NDST4: variants seen among roughly 807,000 people sequenced by gnomAD.
NDST4 encodes the protein N-heparan sulfate sulfotransferase 4.
Under a neutral mutation model 100.8 loss-of-function variants are expected in NDST4, and 63 were observed. The observed-to-expected ratio is 0.62, with a 90% confidence interval of 0.51 to 0.77. The LOEUF (loss-of-function observed/expected upper bound fraction) is 0.77, where lower values mean the gene tolerates loss of function less well. NDST4 is among the 30% of genes least tolerant of loss of function. The pLI is 0.00. For missense variants in NDST4, 943 were observed against 1,018.4 expected (o/e 0.93, Z 1.01); for synonymous variants, 377 against 361.8 (o/e 1.04, Z -0.48).
At chr4:115,019,181 T>A (rs980672753) in intron 2 of NDST4, among the ~76,000 whole-genome samples, 2 of 152,120 alleles carry the variant, frequency 1.3e-5, no homozygotes, top group Non-Finnish European at 2.9e-5. Context: ...ATTGTAAACA[T>A]GTTATGGCAA....
intron 1 of NDST4, among the ~76,000 whole-genome samples, chr4:115,088,009 A>T (rs1729441873): frequency 6.6e-6 from 1 of 151,656 alleles, no homozygotes; most frequent in Non-Finnish European, 1.5e-5. Flanking sequence ...TTACACTTAG[A>T]TTATGATAGT....
At position 114,950,279 on chromosome 4, in the gene NDST4, G is replaced by A. The variant is rs114367521; in HGVS notation, c.1222-12776C>T. Among the ~76,000 whole-genome samples, 1,013 of 151,922 alleles carry A rather than the reference G, an allele frequency of 6.7e-3. 9 individuals carry two copies. The highest frequency in any genetic ancestry group is 0.01 in the Non-Finnish European group (694 of 67,908). On this transcript the variant is annotated intron_variant, in intron 4 of 13. Coordinates refer to ENST00000264363, the MANE Select transcript of NDST4 (RefSeq NM_022569.3). The stretch of plus-strand genomic sequence containing the variant: ...TCTTCAACATTTTATCCACTTTTCC[G>A]AGGTTCATTAAGGCAGGAATATTGG...
intron 6 of NDST4, among the ~76,000 whole-genome samples, chr4:114,888,133 G>A (rs1363068742): frequency 6.6e-6 from 1 of 152,046 alleles, no homozygotes; most frequent in Non-Finnish European, 1.5e-5. Flanking sequence ...GAACCTAGGG[G>A]CAGAGGTTGC....
rs115293168 is a variant in NDST4, at chr4:115,082,728, C to T, written c.-246-5446G>A. 3.7e-3 allele frequency among the ~76,000 whole-genome samples: 558 copies of T among 152,178 alleles called. 3 individuals carry two copies. The highest frequency in any genetic ancestry group is 0.013 in the African/African-American group (528 of 41,508). On this transcript the variant is annotated intron_variant, in intron 1 of 13. Transcript: ENST00000264363. Reference sequence around the variant, plus strand: ...AATTAAAATTTAGAAGGTTTAAGAACGGAACTAAGATTAAACTACTAATGA... The same window carrying T: ...AATTAAAATTTAGAAGGTTTAAGAATGGAACTAAGATTAAACTACTAATGA...
chr4:115,053,027 T>C (rs1728618697), intron 2 of NDST4, among the ~76,000 whole-genome samples: 1 of 152,164 alleles, frequency 6.6e-6, no homozygotes, highest in African/African-American at 2.4e-5. Flanking sequence ...AGGTACATGT[T>C]TAGAAGGAAA....
At chr4:114,849,824 T>A (rs1238202280) in intron 8 of NDST4, among the ~76,000 whole-genome samples, 1 of 151,920 alleles carries the variant, frequency 6.6e-6, no homozygotes, top group East Asian at 1.9e-4. Context: ...TAAATTAGAG[T>A]CTTAAAGTTT....
At chr4:114,834,929 T>A (rs938811861) in intron 11 of NDST4, among the ~76,000 whole-genome samples, 13 of 152,210 alleles carry the variant, frequency 8.5e-5, no homozygotes, top group African/African-American at 3.1e-4. Context: ...GATGACAGTT[T>A]GTATTTCTGT....
At chr4:115,049,530 A>G (rs1488228135) in intron 2 of NDST4, among the ~76,000 whole-genome samples, 1 of 152,166 alleles carries the variant, frequency 6.6e-6, no homozygotes, top group Admixed American at 6.6e-5. Flanking sequence ...TTCAGGTAAA[A>G]AAGTAATCAC....
chr4:114,967,267 T>C (rs192767994), intron 4 of NDST4, among the ~76,000 whole-genome samples: 1 of 152,146 alleles, frequency 6.6e-6, no homozygotes, highest in African/African-American at 2.4e-5. Context: ...CATTTCAGTA[T>C]GATATATGTT....
intron 6 of NDST4, among the ~76,000 whole-genome samples, chr4:114,884,873 A>T (rs1433011606): frequency 6.6e-6 from 1 of 152,158 alleles, no homozygotes; most frequent in Non-Finnish European, 1.5e-5. Context: ...TAAATTTTTG[A>T]TTAAAGTAAA....
At chr4:115,003,182 C>T (rs920201730) in intron 2 of NDST4, among the ~76,000 whole-genome samples, 19 of 152,032 alleles carry the variant, frequency 1.2e-4, no homozygotes, top group Admixed American at 1.1e-3. Flanking sequence ...AGCACCATGG[C>T]ACATGTATAG....
chr4:114,898,649 G>A (rs964313031), intron 6 of NDST4, among the ~76,000 whole-genome samples: 1 of 152,128 alleles, frequency 6.6e-6, no homozygotes, highest in African/African-American at 2.4e-5. Flanking sequence ...TGGTAATATT[G>A]AGTCTTCCTA....
chr4:114,947,046 G>A (rs1172354330), intron 4 of NDST4, among the ~76,000 whole-genome samples: 1 of 152,050 alleles, frequency 6.6e-6, no homozygotes, highest in African/African-American at 2.4e-5. Context: ...AATTTGTGCG[G>A]TAGTTTGAAG....
chr4:114,847,237 G>A lies in NDST4; in HGVS notation c.1940+978C>T, dbSNP rs1443592358. ...TGAAAATACAAAAAATTAGCCGGGC[G>A]TAGTGGCGGGCGCCTGTAGTCCCAG... On this transcript the variant is annotated intron_variant, in intron 9 of 13. Transcript: ENST00000264363. Among the ~76,000 whole-genome samples, 6 of 140,616 alleles carry A rather than the reference G, an allele frequency of 4.3e-5. 2 individuals are homozygous for A. The highest frequency in any genetic ancestry group is 1.5e-4 in the African/African-American group (5 of 33,194). 92.2% of individuals were successfully genotyped at this position (140,616 alleles called of 152,430 possible). A position where few individuals can be genotyped will look rare whatever the true frequency, so the allele number is the denominator to read the frequency against.
chr4:114,999,587 A>G (rs988013603), intron 2 of NDST4, among the ~76,000 whole-genome samples: 4 of 152,118 alleles, frequency 2.6e-5, no homozygotes, highest in Non-Finnish European at 5.9e-5. Flanking sequence ...TTCCAAATAA[A>G]GAAGATTTGA....
chr4:115,081,831 G>A (rs537509832), intron 1 of NDST4, among the ~76,000 whole-genome samples: 23 of 152,254 alleles, frequency 1.5e-4, no homozygotes, highest in Admixed American at 7.8e-4. Flanking sequence ...ATATGGTGAT[G>A]TTGACCTTTC....
At chr4:115,075,731 C>G (rs1729164308) in intron 2 of NDST4, among the ~76,000 whole-genome samples, 1 of 130,268 alleles carries the variant, frequency 7.7e-6, no homozygotes, top group Non-Finnish European at 1.5e-5. Flanking sequence ...TTTCAGTGAG[C>G]CAAGATCATG....
intron 2 of NDST4, among the ~76,000 whole-genome samples, chr4:115,019,834 C>G (rs1396734953): frequency 6.6e-6 from 1 of 152,106 alleles, no homozygotes; most frequent in Non-Finnish European, 1.5e-5. Context: ...GCTTCCCAGT[C>G]TGTCTCACAA....
chr4:114,942,099 G>A (rs1725763378), intron 4 of NDST4, among the ~76,000 whole-genome samples: 1 of 152,166 alleles, frequency 6.6e-6, no homozygotes, highest in Admixed American at 6.5e-5. Flanking sequence ...ACTGTTAAAT[G>A]TCATGCACTG....
Sources: allele counts gnomAD v4.1 joint callset (sites outside exome capture counted in the v4.1 genomes callset), GRCh38; gene constraint gnomAD v4.1.1; transcripts MANE v1.5; gene names NCBI Gene and HGNC (gene_info 2026-07-23, HGNC 2026-07-21).